USH2A: variants seen among roughly 807,000 people sequenced by gnomAD.
USH2A encodes usherin, also known as Usher syndrome 2A (autosomal recessive, mild).
In USH2A, 443 loss-of-function variants were observed where a neutral mutation model predicts 538.9. The observed-to-expected ratio is 0.82, with a 90% CI of 0.76 to 0.89. The LOEUF (loss-of-function observed/expected upper bound fraction) is 0.89. USH2A is among the 40% of genes least tolerant of loss of function. USH2A has a pLI of 0.00. For missense variants in USH2A, 6,633 were observed against 6,324.8 expected, an observed-to-expected ratio of 1.05 and a Z score of -1.65; for synonymous variants, 2,413 against 2,273.5, an observed-to-expected ratio of 1.06 and a Z score of -1.75.
chr1:215,833,400 T>G (rs1274164368), intron 47 of USH2A, among the ~76,000 whole-genome samples: 1 of 151,934 alleles, frequency 6.6e-6, no homozygotes, highest in African/African-American at 2.4e-5. Flanking sequence ...CTACAAAACG[T>G]GTTTAAATTG....
chr1:216,239,454 C>CTTA (rs2035892603), intron 13 of USH2A, among the ~76,000 whole-genome samples: 1 of 152,106 alleles, frequency 6.6e-6, no homozygotes, highest in Non-Finnish European at 1.5e-5. Flanking sequence ...TACTTTTATA[C>CTTA]CTGCCTGAGA....
intron 11 of USH2A, among the ~76,000 whole-genome samples, chr1:216,279,486 C>T (rs2036731937): frequency 6.6e-6 from 1 of 152,094 alleles, no homozygotes; most frequent in Non-Finnish European, 1.5e-5. Context: ...CTTTGATATA[C>T]AGTGTTCTAA....
At chr1:215,951,035 T>C (rs1420443165) in intron 37 of USH2A, among the ~76,000 whole-genome samples, 1 of 152,196 alleles carries the variant, frequency 6.6e-6, no homozygotes, top group Admixed American at 6.5e-5. Context: ...TTGAAGGGTT[T>C]TTTGTGTCTC....
chr1:215,869,205 A>T (rs1664561167), intron 43 of USH2A, among the ~76,000 whole-genome samples: 1 of 152,206 alleles, frequency 6.6e-6, no homozygotes, highest in Non-Finnish European at 1.5e-5. Flanking sequence ...AACTTGTCCA[A>T]GTCATTGAGA....
chr1:216,302,509 G>T (rs1311249981), intron 9 of USH2A, among the ~76,000 whole-genome samples: 1 of 151,760 alleles, frequency 6.6e-6, no homozygotes, highest in Non-Finnish European at 1.5e-5. Flanking sequence ...CTTTCCCTTG[G>T]CTAGAAATTC....
At chr1:215,635,650 G>C (rs1465174875) in intron 69 of USH2A, among the ~76,000 whole-genome samples, 1 of 151,704 alleles carries the variant, frequency 6.6e-6, no homozygotes, top group South Asian at 2.1e-4. Context: ...CTGCCTCTTG[G>C]GTTCAAGTGA....
intron 32 of USH2A, among the ~76,000 whole-genome samples, chr1:216,033,504 C>T (rs1669175558): frequency 6.6e-6 from 1 of 152,006 alleles, no homozygotes; most frequent in South Asian, 2.1e-4. Flanking sequence ...AAATAGAAAA[C>T]CAATGTAGTG....
At chr1:216,375,211 T>G (rs540067561) in intron 3 of USH2A, among the ~76,000 whole-genome samples, 1 of 152,308 alleles carries the variant, frequency 6.6e-6, no homozygotes, top group South Asian at 2.1e-4. Flanking sequence ...AGTCTTATTT[T>G]TGGAGCTTTG....
At chr1:216,004,964 A>G (rs1195682618) in intron 32 of USH2A, among the ~76,000 whole-genome samples, 2 of 152,160 alleles carry the variant, frequency 1.3e-5, no homozygotes, top group African/African-American at 2.4e-5. Context: ...TAACTACTTC[A>G]ATTTTCCCAA....
At chr1:215,859,673 T>C (rs903597037) in intron 44 of USH2A, among the ~76,000 whole-genome samples, 1 of 152,082 alleles carries the variant, frequency 6.6e-6, no homozygotes, top group African/African-American at 2.4e-5. Flanking sequence ...CTGGAACCAA[T>C]CGCCTGCATA....
intron 3 of USH2A, among the ~76,000 whole-genome samples, chr1:216,411,134 T>G (rs1353966918): frequency 6.6e-6 from 1 of 152,170 alleles, no homozygotes; most frequent in Non-Finnish European, 1.5e-5. Context: ...ACATAGCCTC[T>G]TCCTACTGTT....
intron 4 of USH2A, among the ~76,000 whole-genome samples, chr1:216,363,715 A>C (rs1329791097): frequency 1.3e-5 from 2 of 152,154 alleles, no homozygotes; most frequent in Non-Finnish European, 2.9e-5. Flanking sequence ...AAGAAATCTC[A>C]TGGATTGCAA....
intron 11 of USH2A, among the ~76,000 whole-genome samples, chr1:216,275,654 A>G (rs1291033952): frequency 2.0e-5 from 3 of 152,146 alleles, no homozygotes; most frequent in Non-Finnish European, 2.9e-5. Flanking sequence ...GTAACTTTAT[A>G]AAATATTCAA....
intron 38 of USH2A, among the ~76,000 whole-genome samples, chr1:215,913,342 G>A (rs180993214): frequency 1.3e-5 from 2 of 152,192 alleles, no homozygotes; most frequent in Non-Finnish European, 2.9e-5. Flanking sequence ...GGTGCTAAGA[G>A]GTATCATTAA....
intron 60 of USH2A, among the ~76,000 whole-genome samples, chr1:215,734,923 C>T (rs1291402017): frequency 2.0e-5 from 3 of 152,186 alleles, no homozygotes; most frequent in Non-Finnish European, 4.4e-5. Context: ...ACCTTCCTGT[C>T]TTCTTCTGAG....
intron 41 of USH2A, among the ~76,000 whole-genome samples, chr1:215,880,704 G>C (rs1430372961): frequency 1.3e-5 from 2 of 152,050 alleles, no homozygotes; most frequent in Non-Finnish European, 2.9e-5. Context: ...AAAAAGAAGA[G>C]CTATCACAGC....
At chr1:216,064,634 G>T (rs1315383097) in intron 30 of USH2A, among the ~76,000 whole-genome samples, 3 of 152,018 alleles carry the variant, frequency 2.0e-5, no homozygotes, top group Non-Finnish European at 4.4e-5. Context: ...ATAGGATGGT[G>T]GTCCCATAAG....
chr1:215,880,962 T>G (rs7513600), intron 41 of USH2A, among the ~76,000 whole-genome samples: 99,242 of 151,888 alleles, frequency 0.65, 32,558 homozygotes, highest in African/African-American at 0.7. Flanking sequence ...AAAAATCACC[T>G]GGGTGTGGTA....
intron 56 of USH2A, among the ~76,000 whole-genome samples, chr1:215,764,331 G>A (rs1661066994): frequency 6.6e-6 from 1 of 152,044 alleles, no homozygotes; most frequent in African/African-American, 2.4e-5. Context: ...TTTCCTTTCT[G>A]TTTCCACATT....
Sources: gnomAD v4.1 joint callset for allele counts (sites outside exome capture counted in the v4.1 genomes callset) on GRCh38, gnomAD v4.1.1 for gene constraint, MANE v1.5 for transcripts, NCBI Gene and HGNC (gene_info 2026-07-23, HGNC 2026-07-21) for gene names.